Variants in PTPDC1 observed in about 807,000 individuals in gnomAD.
PTPDC1 encodes protein tyrosine phosphatase domain-containing protein 1.
A neutral mutation model predicts 75.3 loss-of-function variants in PTPDC1; 53 were observed. The observed-to-expected ratio is 0.70, with a 90% CI of 0.56 to 0.88. The LOEUF is 0.88. Ranked by LOEUF, PTPDC1 falls within the 40% of genes least tolerant of loss-of-function variation. The pLI, the probability that PTPDC1 is intolerant of heterozygous loss-of-function variation, is 0.00. For synonymous variants in PTPDC1, 349 were observed against 366.2 expected, an observed-to-expected ratio of 0.95 and a Z score of 0.54; for missense variants, 925 against 998.6, an observed-to-expected ratio of 0.93 and a Z score of 0.99.
At chr9:94,058,975 A>G (rs1826043697) in intron 1 of PTPDC1, among the ~76,000 whole-genome samples, 1 of 152,192 alleles carries the variant, frequency 6.6e-6, no homozygotes. Flanking sequence ...TGGGCAATAG[A>G]ATGAGACTCT....
upstream of PTPDC1, among the ~76,000 whole-genome samples, chr9:94,080,512 G>C (rs567497787): frequency 4.3e-4 from 65 of 152,292 alleles, no homozygotes; most frequent in Admixed American, 8.5e-4. Context: ...GGGCCTGGCA[G>C]CAGTAACACT....
exon 2 of PTPDC1, chr9:94,064,784 C>T: frequency 6.2e-7 from 1 of 1,613,502 alleles, no homozygotes; most frequent in Non-Finnish European, 8.5e-7. Flanking sequence ...CATATTCTAC[C>T]TTGGTGAATA....
intron 1 of PTPDC1, among the ~76,000 whole-genome samples, chr9:94,052,099 T>A (rs1368826791): frequency 6.6e-6 from 1 of 152,166 alleles, no homozygotes; most frequent in Non-Finnish European, 1.5e-5. Flanking sequence ...AAATTTATCA[T>A]CTTAACCATT....
intron 2 of PTPDC1, among the ~76,000 whole-genome samples, chr9:94,070,758 A>C (rs1325457103): frequency 6.6e-6 from 1 of 152,236 alleles, no homozygotes; most frequent in Non-Finnish European, 1.5e-5. Context: ...ATATAAAATC[A>C]TACAGTATGT....
intron 2 of PTPDC1, among the ~76,000 whole-genome samples, chr9:94,070,714 G>T (rs1027989752): frequency 2.0e-5 from 3 of 152,126 alleles, no homozygotes; most frequent in African/African-American, 7.2e-5. Context: ...CTGTTCCCCA[G>T]TTCTATAATT....
rs1827455923 is a variant in PTPDC1 at position 94,094,395 on chromosome 9, CA to C, written c.617-921del. ...CCTCCCAGTTAGGCTGTTCTGGGGT[CA>C]GGGGTCAGGGACCCACTTGAGGAGG... On this transcript the variant is annotated intron_variant, in intron 4 of 8. Transcript: ENST00000620992. Among the ~76,000 whole-genome samples, 3 of 151,972 alleles carry C rather than the reference CA, an allele frequency of 2.0e-5. 1 individual carries two copies. The South Asian group carries it at 6.2e-4, about 31-fold the overall frequency.
At position 94,059,064 on chromosome 9, in the gene PTPDC1, C is replaced by T. The variant is rs910075389; in HGVS notation, c.-6-5670C>T. ...CAAATTTACAACAAAACAAAATATG[C>T]CTTTATTTTAAGCAACTGTTGGAGT... is the stretch of plus-strand genomic sequence containing the variant. On this transcript the variant is annotated intron_variant, in intron 1 of 9. Coordinates refer to the PTPDC1 transcript ENST00000375360. Among the ~76,000 whole-genome samples, 3 of 152,030 alleles carry T rather than the reference C, an allele frequency of 2.0e-5. No individual in the cohort carries two copies. The East Asian group carries it at 5.8e-4, about 29-fold the overall frequency.
chr9:94,036,023 G>GTTTTTTTTTTTTT (rs200873026), intron 1 of PTPDC1, among the ~76,000 whole-genome samples: 4 of 85,582 alleles, frequency 4.7e-5, no homozygotes, highest in Non-Finnish European at 9.0e-5. Context: ...CGGATTATTT[G>GTTTTTTTTTTTTT]TTTTTTTTTT....
chr9:94,054,278 C>G (rs764471829), intron 1 of PTPDC1, among the ~76,000 whole-genome samples: 2 of 152,164 alleles, frequency 1.3e-5, no homozygotes, highest in Non-Finnish European at 2.9e-5. Flanking sequence ...GGTGACATGA[C>G]TGGCTGAAGT....
chr9:94,039,349 T>C (rs1292728340), intron 1 of PTPDC1, among the ~76,000 whole-genome samples: 3 of 152,174 alleles, frequency 2.0e-5, no homozygotes, highest in Non-Finnish European at 2.9e-5. Context: ...ATACTAGATA[T>C]TAAAAACAAT....
At chr9:94,103,029 TGGAC>T (rs1827900408) in intron 7 of PTPDC1, among the ~76,000 whole-genome samples, 1 of 124,150 alleles carries the variant, frequency 8.1e-6, no homozygotes, top group South Asian at 2.6e-4. Context: ...CACGGACACA[TGGAC>T]GGATGCACAT....
In PTPDC1 at chr9:94,097,394, A is replaced by G. The variant is rs1459046307; in HGVS notation, c.828A>G (p.Ala276=). The change falls in exon 6 of 9, where the codon GCA becomes GCG. Residue 276 remains alanine (A), a synonymous_variant. Coordinates refer to ENST00000620992, the MANE Select transcript of PTPDC1 (RefSeq NM_001253829.2). ...ACCAAGCAATTATATTTGTGCGGGCAAAGCGACCCAATTCCATACAAACCA... is the reference window on the plus strand; with the variant it reads ...ACCAAGCAATTATATTTGTGCGGGCGAAGCGACCCAATTCCATACAAACCA... The part of the protein sequence containing the change: ...TADQAIIFVR[A]KRPNSIQTRG... 3.1e-6 allele frequency: 5 copies of G among 1,614,114 alleles called. No homozygotes were observed. The highest frequency in any genetic ancestry group is 1.6e-4 in the Middle Eastern group (1 of 6,062).
Position 94,084,621 on chromosome 9 carries a change from G to A in PTPDC1, c.91G>A (p.Val31Ile), listed in dbSNP as rs771471621. The A allele has an allele frequency of 6.2e-7, 1 of 1,613,586 alleles. No homozygotes were observed. The highest frequency in any genetic ancestry group is 8.5e-7 in the Non-Finnish European group (1 of 1,179,876). ...QGRRHSTSDP[V>I]LRLQQARRGS... ...CCGCCGGCACTCCACCTCAGACCCA[G>A]TACTGCGGCTGCAGCAGGCCCGGCG... Residue 31 changes from valine (V) to isoleucine (I), a missense_variant, in exon 1 of 9, where the codon GTA becomes ATA. Physicochemically the swap from Val to Ile is conservative, Grantham distance 29. Coordinates refer to ENST00000620992, the MANE Select transcript of PTPDC1 (RefSeq NM_001253829.2).
chr9:94,055,539 A>G (rs537014048), intron 1 of PTPDC1, among the ~76,000 whole-genome samples: 1 of 152,346 alleles, frequency 6.6e-6, no homozygotes, highest in African/African-American at 2.4e-5. Context: ...CTATTAAGCT[A>G]TGAAAAGATA....
chr9:94,053,682 A>G (rs1471483985), intron 1 of PTPDC1, among the ~76,000 whole-genome samples: 1 of 152,212 alleles, frequency 6.6e-6, no homozygotes, highest in African/African-American at 2.4e-5. Flanking sequence ...GCTATCATGC[A>G]TCCGTATCAA....
chr9:94,085,471 C>A, intron 2 of PTPDC1, 49 bp downstream of exon 2: 1 of 1,597,694 alleles, frequency 6.3e-7, no homozygotes, highest in Non-Finnish European at 8.6e-7. Flanking sequence ...ACAGGAAGGA[C>A]ACTCTGTGTG....
intron 2 of PTPDC1, among the ~76,000 whole-genome samples, chr9:94,070,333 C>A (rs1281805490): frequency 1.3e-5 from 2 of 152,210 alleles, no homozygotes; most frequent in Non-Finnish European, 2.9e-5. Context: ...CCAGGCCCCA[C>A]AGCATATGCC....
In PTPDC1 at chr9:94,097,716, A is replaced by G. The variant is rs747019234; in HGVS notation, c.1150A>G (p.Met384Val). The G allele has an allele frequency of 4.0e-5, 64 of 1,614,114 alleles. No homozygotes were observed. Among genetic ancestry groups the G allele is most frequent in the Non-Finnish European group, 5.3e-5 (62 of 1,180,046 alleles). ...IEKTMSEMVT[M>V]QLDKELLRHD... ...AAAGACAATGTCTGAGATGGTCACCATGCAGCTGGATAAAGAGTTACTGAG... is the reference window on the plus strand; with the variant it reads ...AAAGACAATGTCTGAGATGGTCACCGTGCAGCTGGATAAAGAGTTACTGAG... The change falls in exon 6 of 9, where the codon ATG becomes GTG. Residue 384 changes from methionine (M) to valine (V), a missense_variant. By Grantham distance (21) the Met-to-Val change is conservative (BLOSUM62 1). Transcript: ENST00000620992.
intron 1 of PTPDC1, among the ~76,000 whole-genome samples, chr9:94,032,440 T>G (rs1829746104): frequency 6.6e-6 from 1 of 152,174 alleles, no homozygotes; most frequent in South Asian, 2.1e-4. Context: ...GGGCTCAAAT[T>G]TCTCCTCCCA....
Sources: gnomAD v4.1 joint callset for allele counts (sites outside exome capture counted in the v4.1 genomes callset) on GRCh38, gnomAD v4.1.1 for gene constraint, MANE v1.5 for transcripts, NCBI Gene and HGNC (gene_info 2026-07-23, HGNC 2026-07-21) for gene names.